ZNF157: variants seen among roughly 807,000 people sequenced by gnomAD.
ZNF157 encodes zinc finger protein 157.
ZNF157 carries 8 observed loss-of-function variants against 9.4 expected under a neutral mutation model. The ratio of observed to expected loss-of-function variants is 0.85; its 90% CI spans 0.50 to 1.53. ZNF157 has a LOEUF of 1.53. ZNF157 is among the 40% of genes most tolerant of loss of function. The probability of loss-of-function intolerance (pLI) is 0.00; values close to 1 mark genes in which losing one functional copy is unlikely to be tolerated. For missense variants in ZNF157, 316 were observed against 385.2 expected, an observed-to-expected ratio of 0.82 and a Z score of 1.50; for synonymous variants, 120 against 130.8, an observed-to-expected ratio of 0.92 and a Z score of 0.56.
At chrX:47,373,558 GTTATGTACA>G (rs767971491) in intron 1 of ZNF157, among the ~76,000 whole-genome samples, 3 of 111,108 alleles carry the variant, frequency 2.7e-5, no homozygotes, top group Non-Finnish European at 5.7e-5. Context: ...AAGTTTGTGA[GTTATGTACA>G]TTATTTGCTC....
At position 47,414,338 on chromosome X, in the gene ZNF157, T is replaced by C. The variant is rs994972440; in HGVS notation, c.*744T>C. ...AAGTTTTATATTTTAATATTATCAG[T>C]TTCAAGGTGATAATATTCACCTATA... On this transcript the variant is annotated 3_prime_UTR_variant, in exon 4 of 4. Coordinates refer to ENST00000377073, the MANE Select transcript of ZNF157 (RefSeq NM_003446.4). The C allele has an allele frequency of 8.9e-6, 1 of 111,826 alleles. No individual in the cohort carries two copies. Among genetic ancestry groups the C allele is most frequent in the African/African-American group, 3.2e-5 (1 of 30,790 alleles). 9.2% of individuals were successfully genotyped at this position (111,826 alleles called of 1,213,427 possible). A position where few individuals can be genotyped will look rare whatever the true frequency, so the allele number is the denominator to read the frequency against.
intron 1 of ZNF157, among the ~76,000 whole-genome samples, chrX:47,405,500 G>A (rs1402396898): frequency 9.0e-6 from 1 of 111,148 alleles, no homozygotes; most frequent in Non-Finnish European, 1.9e-5. Context: ...TTTGCATGGG[G>A]TCACAGAGCC....
Position 47,413,015 on chromosome X carries a change from G to T in ZNF157, c.942G>T (p.Lys314Asn), listed in dbSNP as rs771008388. Reference protein sequence around the residue: ...CGECGKNFRAKKSLNQHQRIH... With the variant: ...CGECGKNFRANKSLNQHQRIH... ...AGTGTGGGAAAAACTTCCGTGCAAA[G>T]AAATCCCTAAATCAGCATCAAAGAA... The change falls in exon 4 of 4, where the codon AAG becomes AAT. Residue 314 changes from lysine (K) to asparagine (N), a missense_variant. Around this residue, in one of 3 missense-constraint regions of ZNF157, gnomAD observed 167 missense variants for 183.6 expected, o/e 0.91. Transcript: ENST00000377073. The T allele has an allele frequency of 4.0e-5, 48 of 1,210,209 alleles. No homozygotes were observed. The South Asian group carries it at 8.5e-4, about 21-fold the overall frequency.
chrX:47,393,737 CCCG>C (rs1311869710), intron 1 of ZNF157, among the ~76,000 whole-genome samples: 1 of 58,246 alleles, frequency 1.7e-5, no homozygotes, highest in African/African-American at 9.2e-5. Context: ...GCCACCCTCC[CCCG>C]CCCTTTTTTT....
In ZNF157 at chrX:47,413,685, T is replaced by C. The variant is rs1050724276; in HGVS notation, c.*91T>C. The C allele has an allele frequency of 8.9e-7, 1 of 1,124,058 alleles. No individual in the cohort carries two copies. Among genetic ancestry groups the C allele is most frequent in the South Asian group, 2.3e-5 (1 of 44,385 alleles). 92.6% of individuals were successfully genotyped at this position (1,124,058 alleles called of 1,213,427 possible). A position where few individuals can be genotyped will look rare whatever the true frequency, so the allele number is the denominator to read the frequency against. ...TGTGAAAATTTGGCACCTACATTTG[T>C]ATCAAAGTATGTCCTGATCCCCTTA... On this transcript the variant is annotated 3_prime_UTR_variant, in exon 4 of 4. Transcript: ENST00000377073.
At chrX:47,398,621 C>T (rs2055921033) in intron 1 of ZNF157, among the ~76,000 whole-genome samples, 1 of 110,896 alleles carries the variant, frequency 9.0e-6, no homozygotes, top group African/African-American at 3.3e-5. Context: ...GATTCTCCTG[C>T]CTTTGCCTCC....
At chrX:47,393,762 A>G (rs1275079013) in intron 1 of ZNF157, among the ~76,000 whole-genome samples, 4 of 85,108 alleles carry the variant, frequency 4.7e-5, no homozygotes, top group Non-Finnish European at 6.6e-5. Flanking sequence ...TTTTTTAGAC[A>G]AAGTCTTGCT....
At chrX:47,410,208 T>G in intron 1 of ZNF157, 68 bp from the exon 2 acceptor site, 1 of 1,193,380 alleles carries the variant, frequency 8.4e-7, no homozygotes, top group Admixed American at 2.2e-5. Context: ...AGGGCTCCAT[T>G]GAGAAGATTA....
chrX:47,391,841 C>T (rs1234407944), intron 1 of ZNF157, among the ~76,000 whole-genome samples: 13 of 107,235 alleles, frequency 1.2e-4, no homozygotes, highest in African/African-American at 4.1e-4. Flanking sequence ...TGAGCCACTG[C>T]GCCTGGCCAA....
intron 1 of ZNF157, among the ~76,000 whole-genome samples, chrX:47,382,951 G>A (rs1255199660): frequency 9.0e-6 from 1 of 110,962 alleles, no homozygotes; most frequent in Non-Finnish European, 1.9e-5. Context: ...CATTGAATTT[G>A]CTGCCTCAGC....
chrX:47,382,043 A>G (rs1038501533), intron 1 of ZNF157, among the ~76,000 whole-genome samples: 3 of 111,174 alleles, frequency 2.7e-5, no homozygotes, highest in Non-Finnish European at 3.8e-5. Flanking sequence ...ACAGGTAGAT[A>G]AGAGACAAAA....
chrX:47,406,947 C>A (rs147567236), intron 1 of ZNF157, among the ~76,000 whole-genome samples: 2,613 of 111,966 alleles, frequency 0.023, 67 homozygotes, highest in African/African-American at 0.08. Flanking sequence ...GGAAAGCATT[C>A]AGTCTTTTTC....
chrX:47,412,005 C>T (rs759442063), intron 3 of ZNF157, among the ~76,000 whole-genome samples: 2 of 111,772 alleles, frequency 1.8e-5, no homozygotes, highest in South Asian at 7.5e-4. Flanking sequence ...GTCGCCCAGA[C>T]TGGAGTACAG....
At chrX:47,392,359 C>T (rs1052495479) in intron 1 of ZNF157, 2 of 115,345 alleles carry the variant, frequency 1.7e-5, no homozygotes, top group African/African-American at 6.5e-5. Context: ...TGAATGGTTT[C>T]CTGGAAGTAT....
chrX:47,398,514 T>C (rs1435783770), intron 1 of ZNF157, among the ~76,000 whole-genome samples: 1 of 110,463 alleles, frequency 9.1e-6, no homozygotes, highest in Non-Finnish European at 1.9e-5. Context: ...TTTTTCTTTT[T>C]TTTTGAGAGA....
rs1232210154 is a variant in ZNF157 at position 47,413,384 on chromosome X, A to C, written c.1311A>C (p.Thr437=). Residue 437 remains threonine (T), a synonymous_variant, in exon 4 of 4, where the codon ACA becomes ACC. Transcript: ENST00000377073. ...KSLCQHRRTH[T]GEKPYECSEC... ...TTTGTCAACACCGGAGAACTCACAC[A>C]GGAGAGAAACCTTATGAATGTAGTG... is the stretch of plus-strand genomic sequence containing the variant. 8.3e-7 allele frequency: 1 copy of C among 1,212,096 alleles called. No homozygotes were observed. The highest frequency in any genetic ancestry group is 3.0e-5 in the East Asian group (1 of 33,851).
intron 1 of ZNF157, among the ~76,000 whole-genome samples, chrX:47,384,001 T>G (rs2055872231): frequency 9.1e-6 from 1 of 109,326 alleles, no homozygotes; most frequent in South Asian, 3.9e-4. Context: ...TGGGTGCGGT[T>G]GCTCACCCCT....
intron 1 of ZNF157, among the ~76,000 whole-genome samples, chrX:47,389,280 A>T (rs1343275345): frequency 9.3e-6 from 1 of 108,022 alleles, no homozygotes; most frequent in Admixed American, 1.0e-4. Flanking sequence ...ATCTCAGTTC[A>T]CTGTGACCTC....
rs1417534182 is a variant in ZNF157 at position 47,396,539 on chromosome X, CA to C, written c.73-13726del. ...GGGCAACAAGAGCGAAACTCCGTCTCAAAAAAAAAAAGTTATATATTTATAT... is the reference window on the plus strand; with the variant it reads ...GGGCAACAAGAGCGAAACTCCGTCTCAAAAAAAAAAGTTATATATTTATAT... On this transcript the variant is annotated intron_variant, in intron 1 of 3. Transcript: ENST00000377073. 2.7e-3 allele frequency among the ~76,000 whole-genome samples: 273 copies of C among 101,923 alleles called. 1 individual carries two copies. Among genetic ancestry groups the C allele is most frequent in the African/African-American group, 8.9e-3 (250 of 28,176 alleles). 88.5% of individuals were successfully genotyped at this position (101,923 alleles called of 115,157 possible).
Sources: allele counts gnomAD v4.1 joint callset (sites outside exome capture counted in the v4.1 genomes callset), GRCh38; gene constraint gnomAD v4.1.1; regional missense constraint gnomAD v4.1.1; transcripts MANE v1.5; gene names NCBI Gene and HGNC (gene_info 2026-07-23, HGNC 2026-07-21).